The following REPS2 variants were observed in gnomAD, a reference collection of about 807,000 sequenced individuals.
The protein encoded by REPS2 is ralBP1-associated Eps domain-containing protein 2.
REPS2 carries 23 observed loss-of-function variants against 53.6 expected under a neutral mutation model. The observed-to-expected ratio is 0.43, with a 90% CI of 0.31 to 0.61. REPS2 has a LOEUF of 0.61. REPS2 is among the 20% of genes least tolerant of loss of function. REPS2 has a pLI of 0.11. For synonymous variants in REPS2, 238 were observed against 218.6 expected (o/e 1.09, Z -0.78); for missense variants, 446 against 534.9 (o/e 0.83, Z 1.64).
chrX:17,079,962 C>A (rs903532634), intron 13 of REPS2, among the ~76,000 whole-genome samples: 12 of 111,916 alleles, frequency 1.1e-4, no homozygotes, highest in Non-Finnish European at 1.9e-4. Context: ...TGAAATAGAG[C>A]TTAAACCTAC....
intron 13 of REPS2, among the ~76,000 whole-genome samples, chrX:17,083,683 A>G (rs1001296281): frequency 2.1e-4 from 23 of 111,534 alleles, no homozygotes; most frequent in African/African-American, 7.5e-4. Context: ...AGGTTCTCTA[A>G]AAGATGAATT....
chrX:17,043,714 G>C (rs1039425245), intron 5 of REPS2, among the ~76,000 whole-genome samples: 3 of 112,656 alleles, frequency 2.7e-5, no homozygotes, highest in Non-Finnish European at 3.7e-5. Context: ...CTAAGCCCTT[G>C]TCAGAGCATC....
chrX:17,006,388 G>A (rs375813095), intron 2 of REPS2, 44 bp downstream of exon 2: 10 of 1,123,030 alleles, frequency 8.9e-6, no homozygotes, highest in Admixed American at 7.1e-5. Flanking sequence ...ATGGCGAGTC[G>A]CTCATTTATG....
chrX:17,114,999 A>AT (rs992700580), intron 14 of REPS2, among the ~76,000 whole-genome samples: 2 of 110,936 alleles, frequency 1.8e-5, no homozygotes, highest in Non-Finnish European at 3.8e-5. Context: ...TTAAAAGTTT[A>AT]TTTTTACTTT....
chrX:17,062,729 A>AT (rs758580980), intron 9 of REPS2, among the ~76,000 whole-genome samples, 197 bp downstream of exon 9: 2 of 111,747 alleles, frequency 1.8e-5, no homozygotes, highest in African/African-American at 6.5e-5. Context: ...TGTATCTATA[A>AT]TTTTTTTCCC....
chrX:17,143,149 C>T (rs1445310017), intron 17 of REPS2, among the ~76,000 whole-genome samples: 1 of 111,515 alleles, frequency 9.0e-6, no homozygotes, highest in Admixed American at 9.5e-5. Flanking sequence ...CAGTGGCTAT[C>T]AGGGGTTATG....
At chrX:17,064,551 C>A (rs975678457) in intron 9 of REPS2, among the ~76,000 whole-genome samples, 2 of 112,421 alleles carry the variant, frequency 1.8e-5, no homozygotes, top group African/African-American at 6.5e-5. Flanking sequence ...TTAAGAATTA[C>A]AGATGATAAT....
chrX:17,101,090 G>A (rs1450560632), intron 13 of REPS2, among the ~76,000 whole-genome samples: 1 of 88,411 alleles, frequency 1.1e-5, no homozygotes, highest in African/African-American at 4.4e-5. Context: ...GTCTGGCTCT[G>A]TCACCCAGGC....
At chrX:17,073,840 C>G (rs1034050890) in intron 11 of REPS2, among the ~76,000 whole-genome samples, 1 of 107,578 alleles carries the variant, frequency 9.3e-6, no homozygotes, top group Non-Finnish European at 1.9e-5. Context: ...TCTTTTTATA[C>G]TGGAATGTCT....
At chrX:17,100,439 A>G (rs959780519) in intron 13 of REPS2, among the ~76,000 whole-genome samples, 2 of 112,705 alleles carry the variant, frequency 1.8e-5, no homozygotes, top group African/African-American at 6.4e-5. Context: ...CAGCAAGGGT[A>G]GCTGCAAAGG....
intron 14 of REPS2, among the ~76,000 whole-genome samples, chrX:17,130,549 G>A (rs2063278574): frequency 9.0e-6 from 1 of 111,631 alleles, no homozygotes; most frequent in African/African-American, 3.3e-5. Context: ...CCCCATACTT[G>A]CCCTCCACAG....
chrX:17,013,013 C>T (rs998770901), intron 2 of REPS2, among the ~76,000 whole-genome samples: 1 of 112,402 alleles, frequency 8.9e-6, no homozygotes, highest in African/African-American at 3.2e-5. Flanking sequence ...CCTTTGACTC[C>T]TCCCTTATCT....
downstream of REPS2, among the ~76,000 whole-genome samples, chrX:17,158,086 C>T (rs140398496): frequency 6.6e-4 from 73 of 110,418 alleles, no homozygotes; most frequent in African/African-American, 2.3e-3. Flanking sequence ...CACAGTAATC[C>T]CCTTTTGTGT....
intron 2 of REPS2, among the ~76,000 whole-genome samples, chrX:17,008,969 C>G (rs1394204243): frequency 9.0e-6 from 1 of 111,500 alleles, no homozygotes; most frequent in Non-Finnish European, 1.9e-5. Context: ...TGGATTCCTC[C>G]TTTTCCCTCA....
Position 17,022,197 on chromosome X carries a change from G to A in REPS2, c.472G>A (p.Gly158Arg), listed in dbSNP as rs770490382. The A allele has an allele frequency of 4.1e-6, 5 of 1,207,641 alleles. No homozygotes were observed. The South Asian group carries it at 7.0e-5, about 17-fold the overall frequency. The part of the protein sequence containing the change: ...IRFGNPAELH[G>R]TKVQIPYLTT... ...ATTTGGGAACCCAGCTGAGCTGCATGGAACTAAGGTTCAGATTCCATATTT... is the reference window on the plus strand; with the variant it reads ...ATTTGGGAACCCAGCTGAGCTGCATAGAACTAAGGTTCAGATTCCATATTT... Residue 158 changes from glycine to arginine, a missense_variant, in exon 3 of 18, where the codon GGA becomes AGA. By Grantham distance (125) the Gly-to-Arg change is moderately radical. Coordinates refer to ENST00000357277, the MANE Select transcript of REPS2 (RefSeq NM_004726.3).
At chrX:17,119,545 T>C (rs776499082) in intron 14 of REPS2, among the ~76,000 whole-genome samples, 106 of 112,215 alleles carry the variant, frequency 9.4e-4, no homozygotes, top group African/African-American at 3.2e-3. Flanking sequence ...CTGAGAACTA[T>C]AGGAGCACAA....
intron 15 of REPS2, among the ~76,000 whole-genome samples, 188 bp downstream of exon 15, chrX:17,134,095 T>A (rs969567170): frequency 2.7e-5 from 3 of 111,837 alleles, no homozygotes; most frequent in African/African-American, 9.8e-5. Flanking sequence ...TGACCCTTGA[T>A]GCATTTTGTA....
the REPS2 span, among the ~76,000 whole-genome samples, chrX:17,193,815 C>G: frequency 9.0e-6 from 1 of 111,528 alleles, no homozygotes; most frequent in African/African-American, 3.3e-5. Context: ...GAAACCAAAA[C>G]TCACTGTCAC....
chrX:17,061,124 T>C (rs1407233630), intron 8 of REPS2, among the ~76,000 whole-genome samples: 2 of 112,083 alleles, frequency 1.8e-5, no homozygotes, highest in African/African-American at 6.5e-5. Context: ...CCTTGATTGA[T>C]AGACTAGAAA....
Sources: gnomAD v4.1 joint callset for allele counts (sites outside exome capture counted in the v4.1 genomes callset) on GRCh38, gnomAD v4.1.1 for gene constraint, MANE v1.5 for transcripts, NCBI Gene and HGNC (gene_info 2026-07-23, HGNC 2026-07-21) for gene names.